The following SGPP2 variants were observed in gnomAD, a reference collection of about 807,000 sequenced individuals.
SGPP2 encodes the protein sphingosine-1-phosphate phosphatase 2, also known as sphingosine 1-phosphate phosphohydrolase 2.
A neutral mutation model predicts 33.9 loss-of-function variants in SGPP2; 30 were observed. The ratio of observed to expected loss-of-function variants is 0.89; its 90% CI spans 0.66 to 1.20. SGPP2 has a LOEUF of 1.20. Ranked by LOEUF, SGPP2 falls within the 50% of genes most tolerant of loss-of-function variation. The probability of loss-of-function intolerance (pLI) is 0.00; values close to 1 mark genes in which losing one functional copy is unlikely to be tolerated. For synonymous variants in SGPP2, 233 were observed against 225.0 expected, an observed-to-expected ratio of 1.04 and a Z score of -0.32; for missense variants, 458 against 532.1, an observed-to-expected ratio of 0.86 and a Z score of 1.37.
intron 1 of SGPP2, among the ~76,000 whole-genome samples, chr2:222,448,563 A>G (rs764844103): frequency 6.6e-6 from 1 of 152,200 alleles, no homozygotes; most frequent in Non-Finnish European, 1.5e-5. Flanking sequence ...TAAGACAGAT[A>G]ATGGGAGCAC....
intron 1 of SGPP2, among the ~76,000 whole-genome samples, chr2:222,426,811 C>T (rs1464743439): frequency 6.6e-6 from 1 of 152,008 alleles, no homozygotes; most frequent in East Asian, 1.9e-4. Flanking sequence ...GATTCCCCCC[C>T]TCAAAAATTA....
At chr2:222,540,745 T>C (rs1296027072) in intron 4 of SGPP2, among the ~76,000 whole-genome samples, 1 of 151,970 alleles carries the variant, frequency 6.6e-6, no homozygotes, top group African/African-American at 2.4e-5. Context: ...GGATTTAACA[T>C]GGGAGCCCAG....
intron 1 of SGPP2, among the ~76,000 whole-genome samples, chr2:222,429,375 G>A (rs1359667261): frequency 2.0e-5 from 3 of 152,142 alleles, no homozygotes; most frequent in African/African-American, 7.2e-5. Flanking sequence ...AACTAAACTG[G>A]CCAACAGATC....
intron 2 of SGPP2, among the ~76,000 whole-genome samples, chr2:222,483,194 G>A (rs1698055416): frequency 6.6e-6 from 1 of 152,228 alleles, no homozygotes; most frequent in African/African-American, 2.4e-5. Flanking sequence ...CACTTGAAAT[G>A]CATATCAACT....
intron 1 of SGPP2, among the ~76,000 whole-genome samples, chr2:222,438,792 G>C (rs1219878038): frequency 6.6e-6 from 1 of 152,182 alleles, no homozygotes; most frequent in Admixed American, 6.5e-5. Context: ...GTCCATGATG[G>C]TGGCACTAAT....
chr2:222,561,122 T>C lies in SGPP2; in HGVS notation c.*2224T>C, dbSNP rs1038404053. 6.6e-6 allele frequency among the ~76,000 whole-genome samples: 1 copy of C among 151,706 alleles called. No individual in the cohort carries two copies. The highest frequency in any genetic ancestry group is 1.5e-5 in the Non-Finnish European group (1 of 67,968). ...TCTCTCAAAAAAAAAAAAAAAGAAT[T>C]TTTAGCAAAACATCCTGTTTTTACT... On this transcript the variant is annotated 3_prime_UTR_variant, in exon 5 of 5. Coordinates refer to ENST00000321276, the MANE Select transcript of SGPP2 (RefSeq NM_152386.4).
chr2:222,515,474 A>G (rs13018763), intron 2 of SGPP2, among the ~76,000 whole-genome samples: 134,186 of 151,690 alleles, frequency 0.88, 59,746 homozygotes, highest in East Asian at 1. Flanking sequence ...GACTACAGGC[A>G]CCCACCACCA....
intron 1 of SGPP2, among the ~76,000 whole-genome samples, chr2:222,462,498 C>T (rs1458868586): frequency 3.9e-5 from 6 of 152,148 alleles, no homozygotes; most frequent in South Asian, 2.1e-4. Flanking sequence ...GGAAGTGAAA[C>T]GCAGCAAAAC....
rs1315770592 is a variant in SGPP2 at position 222,460,420 on chromosome 2, G to A, written c.220-14148G>A. On this transcript the variant is annotated intron_variant, in intron 1 of 4. Coordinates refer to ENST00000321276, the MANE Select transcript of SGPP2 (RefSeq NM_152386.4). This position sits in a 1 kb window ranked among gnomAD's most constrained non-coding sequence, Gnocchi z 4.3. ...TTGTGTATAAAACCCCTGAGAACAC[G>A]ACATAAGCGGTTGAGCTTCATGGCA... Among the ~76,000 whole-genome samples the A allele has an allele frequency of 2.0e-5, 3 of 152,150 alleles. No individual in the cohort carries two copies. The highest frequency in any genetic ancestry group is 1.9e-4 in the East Asian group (1 of 5,192).
At chr2:222,455,803 G>A (rs1162961089) in intron 1 of SGPP2, among the ~76,000 whole-genome samples, 1 of 152,194 alleles carries the variant, frequency 6.6e-6, no homozygotes, top group East Asian at 1.9e-4. Flanking sequence ...GTTCATGCCT[G>A]TAATCCCAAT....
In SGPP2 at chr2:222,549,231, T is replaced by G. The variant is rs189929079; in HGVS notation, c.649-9116T>G. On this transcript the variant is annotated intron_variant, in intron 4 of 4. Coordinates refer to ENST00000321276, the MANE Select transcript of SGPP2 (RefSeq NM_152386.4). ...CATTCTTTCCTAACAATTGACTGAA[T>G]GGGTTTGTTCTCTCCCTTTCTTTCT... Among the ~76,000 whole-genome samples, 5 of 152,376 alleles carry G rather than the reference T, an allele frequency of 3.3e-5. No homozygotes were observed. In the East Asian group the frequency reaches 9.6e-4, roughly 29 times the overall value.
At chr2:222,490,121 G>T (rs1698173972) in intron 2 of SGPP2, among the ~76,000 whole-genome samples, 1 of 152,196 alleles carries the variant, frequency 6.6e-6, no homozygotes. Flanking sequence ...TTAATTTTGA[G>T]TAAGTTTCTA....
chr2:222,490,934 T>C (rs1335895447), intron 2 of SGPP2, among the ~76,000 whole-genome samples: 1 of 152,180 alleles, frequency 6.6e-6, no homozygotes, highest in African/African-American at 2.4e-5. Flanking sequence ...TAGTTATCTA[T>C]AGCAACACTT....
At chr2:222,428,288 G>A (rs1225700895) in intron 1 of SGPP2, among the ~76,000 whole-genome samples, 1 of 152,158 alleles carries the variant, frequency 6.6e-6, no homozygotes, top group Non-Finnish European at 1.5e-5. Context: ...GCAGAAGGCA[G>A]GATCCTAGGA....
chr2:222,529,680 C>A lies in SGPP2; in HGVS notation c.648+4647C>A, dbSNP rs555683245. ...CTGCCGTTACTTCCTCCATTGAAGT[C>A]GTAACCCCCTCAAAGTTATCCATAA... On this transcript the variant is annotated intron_variant, in intron 4 of 4. Transcript: ENST00000321276. Among the ~76,000 whole-genome samples, 3 of 152,232 alleles carry A rather than the reference C, an allele frequency of 2.0e-5. No homozygotes were observed. The East Asian group carries it at 5.8e-4, about 29-fold the overall frequency.
In SGPP2 at chr2:222,500,514, G is replaced by A. The variant is rs80226651; in HGVS notation, c.379-21253G>A. Reference sequence around the variant, plus strand: ...GGAAGCCACCCTGCTGACGGTCACCGTGTTGGCAGTTGTTTGGAAAGAGTA... The same window carrying A: ...GGAAGCCACCCTGCTGACGGTCACCATGTTGGCAGTTGTTTGGAAAGAGTA... On this transcript the variant is annotated intron_variant, in intron 2 of 4. Coordinates refer to ENST00000321276, the MANE Select transcript of SGPP2 (RefSeq NM_152386.4). Among the ~76,000 whole-genome samples the A allele has an allele frequency of 9.2e-3, 1,407 of 152,300 alleles. 12 individuals are homozygous for A. The highest frequency in any genetic ancestry group is 0.032 in the African/African-American group (1,339 of 41,560).
chr2:222,459,667 CAG>C (rs1256813504), intron 1 of SGPP2, among the ~76,000 whole-genome samples: 2 of 151,638 alleles, frequency 1.3e-5, no homozygotes, highest in African/African-American at 4.8e-5. Flanking sequence ...GAGAGAGAGA[CAG>C]AGATGGGCAG....
chr2:222,461,065 A>G (rs540122897), intron 1 of SGPP2, among the ~76,000 whole-genome samples: 6 of 152,116 alleles, frequency 3.9e-5, no homozygotes, highest in Non-Finnish European at 5.9e-5. Flanking sequence ...TGTTTTTCGA[A>G]TCTTTTTACC....
rs114589364 is a variant in SGPP2 at position 222,464,014 on chromosome 2, C to G, written c.220-10554C>G. On this transcript the variant is annotated intron_variant, in intron 1 of 4. Transcript: ENST00000321276. Reference sequence around the variant, plus strand: ...AAATGCCTGGATGAAAACGAGTAAACTGAAGTTTATAACACTCCTTCTCGA... The same window carrying G: ...AAATGCCTGGATGAAAACGAGTAAAGTGAAGTTTATAACACTCCTTCTCGA... 4.9e-3 allele frequency among the ~76,000 whole-genome samples: 742 copies of G among 152,234 alleles called. 7 individuals are homozygous for G. The highest frequency in any genetic ancestry group is 0.017 in the African/African-American group (700 of 41,556).
Sources: allele counts gnomAD v4.1 joint callset (sites outside exome capture counted in the v4.1 genomes callset), GRCh38; gene constraint gnomAD v4.1.1; non-coding constraint Gnocchi (gnomAD v3.1); transcripts MANE v1.5; gene names NCBI Gene and HGNC (gene_info 2026-07-23, HGNC 2026-07-21).